Variants in MAST3 observed in about 807,000 individuals in gnomAD.
The protein encoded by MAST3 is microtubule associated serine/threonine kinase 3.
MAST3 carries 43 observed loss-of-function variants against 127.0 expected under a neutral mutation model. The observed-to-expected ratio is 0.34, with a 90% CI of 0.27 to 0.44. MAST3 has a LOEUF of 0.44. Among genes scored for constraint, MAST3 ranks in the 20% least tolerant of loss-of-function variants. The pLI, the probability that MAST3 is intolerant of heterozygous loss-of-function variation, is 1.00. For synonymous variants in MAST3, 785 were observed against 809.2 expected, an observed-to-expected ratio of 0.97 and a Z score of 0.51; for missense variants, 1,390 against 1,919.1, an observed-to-expected ratio of 0.72 and a Z score of 5.15.
At position 18,145,747 on chromosome 19, in the gene MAST3, T is replaced by C; in HGVS notation, c.3044T>C (p.Val1015Ala). ...ACCGTTCTCGTCTGCCCCCAGAGTG[T>C]GGAGGACGGAAGCCCCGCCCAGGAG... The part of the protein sequence containing the change: ...VYTVHHVVWS[V>A]EDGSPAQEAG... Residue 1015 changes from valine to alanine, a missense_variant, in exon 25 of 28, where the codon GTG becomes GCG. Val to Ala is a moderately conservative substitution (Grantham distance 64). Transcript: ENST00000687212. The surrounding 1 kb of genome is among the most constrained non-coding windows in gnomAD (Gnocchi z 5.9). 1 of 1,588,944 alleles carries C rather than the reference T, an allele frequency of 6.3e-7. No homozygotes were observed. The highest frequency in any genetic ancestry group is 8.5e-7 in the Non-Finnish European group (1 of 1,170,970).
At chr19:18,137,857 C>T (rs539866754) in intron 19 of MAST3, among the ~76,000 whole-genome samples, 9 of 152,294 alleles carry the variant, frequency 5.9e-5, no homozygotes, top group African/African-American at 1.9e-4. Context: ...CAGAGGTCTT[C>T]TCTGAGCTTC....
intron 1 of MAST3, among the ~76,000 whole-genome samples, chr19:18,100,123 TCTCTC>T (rs1321201321): frequency 8.8e-6 from 1 of 113,868 alleles, no homozygotes; most frequent in Non-Finnish European, 1.9e-5. Flanking sequence ...TCTCTCTCTC[TCTCTC>T]TTTTTTTTTT....
rs930967327 is a variant in MAST3 at position 18,149,372 on chromosome 19, G to T, written c.3690G>T (p.Pro1230=). ...SSIPPSPLAC[P]PISAPPPRSP... ...TCCCGCCCTCCCCGCTGGCCTGCCC[G>T]CCCATCTCCGCGCCCCCACCCCGCT... is the stretch of plus-strand genomic sequence containing the variant. The change falls in exon 28 of 28, where the codon CCG becomes CCT. Residue 1230 remains proline, a synonymous_variant. Transcript: ENST00000687212. This position sits in a 1 kb window ranked among gnomAD's most constrained non-coding sequence, Gnocchi z 5.9. 7.0e-7 allele frequency: 1 copy of T among 1,437,882 alleles called. No homozygotes were observed. Among genetic ancestry groups the T allele is most frequent in the Non-Finnish European group, 9.3e-7 (1 of 1,078,502 alleles). 89.1% of individuals were successfully genotyped at this position (1,437,882 alleles called of 1,614,324 possible). A position where few individuals can be genotyped will look rare whatever the true frequency, so the allele number is the denominator to read the frequency against.
At chr19:18,103,996 GAGACCAGGAGTTCA>G (rs1192403819) in intron 1 of MAST3, among the ~76,000 whole-genome samples, 5 of 151,814 alleles carry the variant, frequency 3.3e-5, no homozygotes, top group African/African-American at 1.2e-4. Flanking sequence ...TGGATCACTT[GAGACCAGGAGTTCA>G]AGACCAGCCT....
At chr19:18,127,360 C>T (rs2040770851) in intron 11 of MAST3, among the ~76,000 whole-genome samples, 1 of 151,722 alleles carries the variant, frequency 6.6e-6, no homozygotes, top group African/African-American at 2.4e-5. Flanking sequence ...CGAGCCTGGC[C>T]AACATGGTGA....
At chr19:18,118,329 G>T in intron 3 of MAST3, 1 of 854,272 alleles carries the variant, frequency 1.2e-6, no homozygotes, top group Non-Finnish European at 1.4e-6. Flanking sequence ...TGTCCTGGCC[G>T]CGTGGCGCGG....
intron 1 of MAST3, among the ~76,000 whole-genome samples, chr19:18,104,084 T>C (rs1296475900): frequency 6.9e-6 from 1 of 143,934 alleles, no homozygotes; most frequent in Non-Finnish European, 1.5e-5. Flanking sequence ...TGGTGGCACA[T>C]GCCCACAATC....
At chr19:18,105,568 G>A (rs947051072) in intron 1 of MAST3, among the ~76,000 whole-genome samples, 10 of 151,384 alleles carry the variant, frequency 6.6e-5, no homozygotes, top group African/African-American at 2.2e-4. Flanking sequence ...AGCTACTCTG[G>A]AGGTTGAGGC....
At chr19:18,133,549 ATTTTT>A (rs3048882) in intron 15 of MAST3, among the ~76,000 whole-genome samples, 2 of 91,842 alleles carry the variant, frequency 2.2e-5, no homozygotes, top group South Asian at 4.0e-4. Flanking sequence ...CGCCCAGCTA[ATTTTT>A]TTTTTTTTTT....
intron 1 of MAST3, among the ~76,000 whole-genome samples, chr19:18,101,968 C>T (rs1201895186): frequency 1.3e-5 from 2 of 148,316 alleles, no homozygotes; most frequent in African/African-American, 5.0e-5. Flanking sequence ...GCTCATTCCA[C>T]CTCCCAGGTT....
rs1599905104 is a variant in MAST3 at position 18,145,692 on chromosome 19, C to T, written c.3040-51C>T. On this transcript the variant is annotated intron_variant, in intron 24 of 27. Coordinates refer to ENST00000687212, the MANE Select transcript of MAST3 (RefSeq NM_001393504.1). The surrounding 1 kb of genome is among the most constrained non-coding windows in gnomAD (Gnocchi z 5.9). ...AGCAGACCCAGCCTGGGCTGGGGTC[C>T]CCAGATGTGGGGCCCAGGCCATTGA... is the stretch of plus-strand genomic sequence containing the variant. The T allele has an allele frequency of 3.3e-6, 5 of 1,510,710 alleles. No individual in the cohort carries two copies. In the East Asian group the frequency reaches 9.9e-5, roughly 30 times the overall value. 93.6% of individuals were successfully genotyped at this position (1,510,710 alleles called of 1,614,324 possible). A position where few individuals can be genotyped will look rare whatever the true frequency, so the allele number is the denominator to read the frequency against.
rs1599898606 is a variant in MAST3 at position 18,144,950 on chromosome 19, C to T, written c.2813-53C>T. ...GGTCGTTGTGGTGGGAAAGAGGGGG[C>T]CCCAGGGGAGACCTGTGAGGGAGTG... On this transcript the variant is annotated intron_variant, in intron 23 of 27. Coordinates refer to ENST00000687212, the MANE Select transcript of MAST3 (RefSeq NM_001393504.1). This position sits in a 1 kb window ranked among gnomAD's most constrained non-coding sequence, Gnocchi z 4.0. 2 of 1,055,476 alleles carry T rather than the reference C, an allele frequency of 1.9e-6. No homozygotes were observed. Among genetic ancestry groups the T allele is most frequent in the Non-Finnish European group, 2.9e-6 (2 of 699,526 alleles). The allele number at this position is 1,055,476 out of a possible 1,614,324, so 65.4% of individuals were successfully genotyped here. A position where few individuals can be genotyped will look rare whatever the true frequency, so the allele number is the denominator to read the frequency against.
At chr19:18,147,364 A>C in intron 26 of MAST3, 79 bp from the exon 27 acceptor site, 2 of 1,337,634 alleles carry the variant, frequency 1.5e-6, no homozygotes, top group Non-Finnish European at 2.1e-6. Context: ...CGGCCTCTGA[A>C]AGTGCTGGGA....
Position 18,121,867 on chromosome 19 carries a change from G to A in MAST3, c.265G>A (p.Asp89Asn), listed in dbSNP as rs762272448. ...LSVPTGSSPL[D>N]SPRNFSAASA... ...CTCCTCAGCAGGCAGCAGCCCCTTGGATAGTCCTCGGAATTTCTCGGCTGC... is the reference window on the plus strand; with the variant it reads ...CTCCTCAGCAGGCAGCAGCCCCTTGAATAGTCCTCGGAATTTCTCGGCTGC... The change falls in exon 5 of 28, where the codon GAT (aspartate) becomes AAT (asparagine). Residue 89 changes from aspartate to asparagine, a missense_variant. This residue lies in a region of MAST3 where 45 missense variants were observed against 113.0 expected (regional missense o/e 0.40). Coordinates refer to ENST00000687212, the MANE Select transcript of MAST3 (RefSeq NM_001393504.1). The A allele has an allele frequency of 3.7e-6, 6 of 1,613,886 alleles. No homozygotes were observed. In the Admixed American group the frequency reaches 1.0e-4, roughly 27 times the overall value.
At chr19:18,140,695 T>G (rs1435972327) in intron 20 of MAST3, among the ~76,000 whole-genome samples, 7 of 152,224 alleles carry the variant, frequency 4.6e-5, no homozygotes, top group African/African-American at 1.4e-4. Flanking sequence ...TGAGTAATAT[T>G]CCATCATATG....
chr19:18,147,431 T>G lies in MAST3; in HGVS notation c.3327-12T>G. 6.2e-7 allele frequency: 1 copy of G among 1,612,952 alleles called. No individual in the cohort carries two copies. Among genetic ancestry groups the G allele is most frequent in the Non-Finnish European group, 8.5e-7 (1 of 1,179,444 alleles). On this transcript the variant is annotated splice_polypyrimidine_tract_variant and intron_variant, in intron 26 of 27. Coordinates refer to ENST00000687212, the MANE Select transcript of MAST3 (RefSeq NM_001393504.1). ...AGCAGGGGTTCTGAAGCCTCCGGTT[T>G]TCTTACCCCAGGCGGAAGTCACTTT...
In MAST3 at chr19:18,149,775, C is replaced by T; in HGVS notation, c.*49C>T. 4 of 1,602,368 alleles carry T rather than the reference C, an allele frequency of 2.5e-6. No individual in the cohort carries two copies. The highest frequency in any genetic ancestry group is 3.4e-6 in the Non-Finnish European group (4 of 1,178,096). ...CATCAAAGTTACGCGTTTTCTTGTG[C>T]AATGTTTTTTCCGTAAAGTCATGCC... On this transcript the variant is annotated 3_prime_UTR_variant, in exon 28 of 28. Coordinates refer to ENST00000687212, the MANE Select transcript of MAST3 (RefSeq NM_001393504.1). The surrounding 1 kb of genome is among the most constrained non-coding windows in gnomAD (Gnocchi z 5.9).
intron 5 of MAST3, 163 bp downstream of exon 5, chr19:18,122,085 G>C (rs1021196961): frequency 1.0e-6 from 1 of 985,108 alleles, no homozygotes; most frequent in Non-Finnish European, 1.2e-6. Flanking sequence ...CCCATTCCCG[G>C]CAAATGCATG....
intron 3 of MAST3, among the ~76,000 whole-genome samples, chr19:18,120,276 T>C (rs1028276081): frequency 2.6e-5 from 4 of 152,158 alleles, no homozygotes; most frequent in African/African-American, 7.2e-5. Context: ...TGTCAAGAGA[T>C]GGGAGCAGGG....
Sources: allele counts gnomAD v4.1 joint callset (sites outside exome capture counted in the v4.1 genomes callset), GRCh38; gene constraint gnomAD v4.1.1; regional missense constraint gnomAD v4.1.1; non-coding constraint Gnocchi (gnomAD v3.1); transcripts MANE v1.5; gene names NCBI Gene and HGNC (gene_info 2026-07-23, HGNC 2026-07-21).